SLC25A26: variants seen among roughly 807,000 people sequenced by gnomAD.
The protein encoded by SLC25A26 is mitochondrial S-adenosylmethionine carrier protein.
SLC25A26 carries 36 observed loss-of-function variants against 37.8 expected under a neutral mutation model. The observed-to-expected ratio is 0.95, with a 90% confidence interval of 0.73 to 1.26. The LOEUF is 1.26. SLC25A26 is among the 50% of genes most tolerant of loss of function. SLC25A26 has a pLI of 0.00. For missense variants in SLC25A26, 390 were observed against 331.1 expected (o/e 1.18, Z -1.38); for synonymous variants, 129 against 122.5 (o/e 1.05, Z -0.35).
intron 1 of SLC25A26, among the ~76,000 whole-genome samples, chr3:66,147,760 G>A (rs1413651228): frequency 6.6e-6 from 1 of 151,574 alleles, no homozygotes. Context: ...ATTGTTTTTT[G>A]ACTTTTTCTT....
chr3:66,305,084 G>A (rs1264879540), intron 5 of SLC25A26, among the ~76,000 whole-genome samples: 1 of 152,162 alleles, frequency 6.6e-6, no homozygotes, highest in Non-Finnish European at 1.5e-5. Flanking sequence ...AAAGCCAAAA[G>A]CATTTCTAAA....
At chr3:66,329,931 A>C (rs190178777) in intron 5 of SLC25A26, among the ~76,000 whole-genome samples, 6 of 152,322 alleles carry the variant, frequency 3.9e-5, no homozygotes, top group Non-Finnish European at 8.8e-5. Context: ...TGATCTTTAT[A>C]ACTGCTTTAG....
chr3:66,187,397 C>T (rs1379945524), intron 1 of SLC25A26, among the ~76,000 whole-genome samples: 1 of 152,070 alleles, frequency 6.6e-6, no homozygotes, highest in Non-Finnish European at 1.5e-5. Flanking sequence ...ACCTGACTTG[C>T]ACCTAACTCT....
chr3:66,289,878 A>C (rs1360436360), intron 5 of SLC25A26, among the ~76,000 whole-genome samples: 3 of 152,098 alleles, frequency 2.0e-5, no homozygotes, highest in African/African-American at 7.2e-5. Context: ...GCTTGATGGG[A>C]ATAACATTGA....
intron 1 of SLC25A26, among the ~76,000 whole-genome samples, chr3:66,199,823 C>T (rs2071087124): frequency 6.6e-6 from 1 of 152,110 alleles, no homozygotes; most frequent in East Asian, 1.9e-4. Context: ...CTACACCTGA[C>T]ACCTGATCCT....
upstream of SLC25A26, chr3:66,220,776 C>T: frequency 4.3e-6 from 2 of 461,220 alleles, no homozygotes; most frequent in Non-Finnish European, 7.7e-6. Context: ...TACCGCTGCT[C>T]TCTCCTGGAT....
intron 1 of SLC25A26, among the ~76,000 whole-genome samples, chr3:66,176,673 A>G (rs558834950): frequency 6.6e-6 from 1 of 152,342 alleles, no homozygotes; most frequent in South Asian, 2.1e-4. Context: ...ATGGTTTGAA[A>G]GTCTAACATC....
At chr3:66,142,458 T>A (rs1576591963) in intron 1 of SLC25A26, among the ~76,000 whole-genome samples, 1 of 152,178 alleles carries the variant, frequency 6.6e-6, no homozygotes, top group Non-Finnish European at 1.5e-5. Context: ...AATTTTTTTT[T>A]ATCTTCTCCT....
intron 5 of SLC25A26, among the ~76,000 whole-genome samples, chr3:66,303,980 G>A (rs2075146184): frequency 6.6e-6 from 1 of 152,280 alleles, no homozygotes; most frequent in Middle Eastern, 3.4e-3. Flanking sequence ...TTGCCATGTG[G>A]CCCCCTCCAT....
intron 6 of SLC25A26, among the ~76,000 whole-genome samples, chr3:66,354,099 T>G (rs569181197): frequency 1.3e-5 from 2 of 152,338 alleles, no homozygotes; most frequent in East Asian, 3.9e-4. Flanking sequence ...CTTATCAAGC[T>G]TTAAGTCAAA....
intron 3 of SLC25A26, among the ~76,000 whole-genome samples, chr3:66,254,075 C>T (rs2073205093): frequency 6.6e-6 from 1 of 152,070 alleles, no homozygotes; most frequent in Non-Finnish European, 1.5e-5. Flanking sequence ...AACTTATTTG[C>T]GTGATTGGAA....
intron 5 of SLC25A26, among the ~76,000 whole-genome samples, chr3:66,335,663 T>C (rs2076077940): frequency 6.6e-6 from 1 of 152,158 alleles, no homozygotes; most frequent in African/African-American, 2.4e-5. Context: ...TCGAGTGTCC[T>C]GTTAGGTGAG....
chr3:66,333,868 CCCT>C lies in SLC25A26; in HGVS notation c.454-12491_454-12489del, dbSNP rs1575580122. 2.6e-5 allele frequency among the ~76,000 whole-genome samples: 4 copies of C among 152,094 alleles called. 1 individual carries two copies. In the East Asian group the frequency reaches 7.7e-4, roughly 29 times the overall value. The stretch of plus-strand genomic sequence containing the variant: ...CAAACAAAAAACACACACTCCAGTT[CCCT>C]CCTCTGTATTACAGAGAGTGCAAGT... On this transcript the variant is annotated intron_variant, in intron 5 of 9. Coordinates refer to ENST00000354883, the MANE Select transcript of SLC25A26 (RefSeq NM_001379210.1).
intron 5 of SLC25A26, among the ~76,000 whole-genome samples, chr3:66,302,652 T>C (rs1319241159): frequency 1.3e-5 from 2 of 152,172 alleles, no homozygotes; most frequent in Non-Finnish European, 2.9e-5. Flanking sequence ...AAACATACAT[T>C]AGTTAAAATC....
At chr3:66,187,775 CATCCTG>C (rs1156410509) in intron 1 of SLC25A26, among the ~76,000 whole-genome samples, 5 of 151,726 alleles carry the variant, frequency 3.3e-5, no homozygotes, top group Non-Finnish European at 5.9e-5. Context: ...CCCTGAGACT[CATCCTG>C]ATCATGGCCC....
intron 6 of SLC25A26, among the ~76,000 whole-genome samples, chr3:66,360,837 A>G (rs2107799750): frequency 6.6e-6 from 1 of 152,332 alleles, no homozygotes; most frequent in East Asian, 1.9e-4. Flanking sequence ...CTCCAAAATA[A>G]TCCATGGGTT....
At position 66,263,938 on chromosome 3, in the gene SLC25A26, G is replaced by T. The variant is rs895054435; in HGVS notation, c.453+559G>T. Among the ~76,000 whole-genome samples the T allele has an allele frequency of 6.6e-5, 10 of 152,130 alleles. No homozygotes were observed. In the East Asian group the frequency reaches 1.6e-3, roughly 24 times the overall value. Reference sequence around the variant, plus strand: ...CTCCCAAAGTGCTGGGATTACAGGCGTGAGTCGCCGCGCCCGGCCTCCCGG... The same window carrying T: ...CTCCCAAAGTGCTGGGATTACAGGCTTGAGTCGCCGCGCCCGGCCTCCCGG... On this transcript the variant is annotated intron_variant, in intron 5 of 9. Coordinates refer to ENST00000354883, the MANE Select transcript of SLC25A26 (RefSeq NM_001379210.1).
chr3:66,170,769 A>G (rs1036425717), intron 1 of SLC25A26, among the ~76,000 whole-genome samples: 27 of 150,412 alleles, frequency 1.8e-4, no homozygotes, highest in African/African-American at 6.6e-4. Context: ...CACACAGCAA[A>G]CATTTAATAG....
chr3:66,199,828 G>A (rs1452675499), intron 1 of SLC25A26, among the ~76,000 whole-genome samples: 2 of 151,980 alleles, frequency 1.3e-5, no homozygotes, highest in African/African-American at 4.8e-5. Context: ...CCTGACACCT[G>A]ATCCTTATGC....
Sources: allele counts gnomAD v4.1 joint callset (sites outside exome capture counted in the v4.1 genomes callset), GRCh38; gene constraint gnomAD v4.1.1; transcripts MANE v1.5; gene names NCBI Gene and HGNC (gene_info 2026-07-23, HGNC 2026-07-21).